Variants in SLIT3 observed in about 807,000 individuals in gnomAD.
SLIT3 encodes the protein slit guidance ligand 3, also known as slit homolog 3 protein.
Under a neutral mutation model 184.0 loss-of-function variants are expected in SLIT3, and 68 were observed. The ratio of observed to expected loss-of-function variants is 0.37; its 90% CI spans 0.30 to 0.45. SLIT3 has a LOEUF of 0.45. SLIT3 is among the 20% of genes least tolerant of loss of function. SLIT3 has a pLI of 1.00. For synonymous variants in SLIT3, 831 were observed against 828.6 expected (o/e 1.00, Z -0.05); for missense variants, 1,707 against 2,026.0 (o/e 0.84, Z 3.02).
At chr5:168,742,873 T>C (rs988274795) in intron 20 of SLIT3, among the ~76,000 whole-genome samples, 15 of 151,570 alleles carry the variant, frequency 9.9e-5, no homozygotes, top group Non-Finnish European at 1.9e-4. Flanking sequence ...ATGTGTCTGT[T>C]ATCCCAGCAC....
Position 169,156,300 on chromosome 5 carries a change from C to T in SLIT3, c.413+37179G>A, listed in dbSNP as rs115325548. On this transcript the variant is annotated intron_variant, in intron 4 of 35. Transcript: ENST00000519560. ...AATACCTTTTCCTCTAAGATAAATGCCTCCCAGAAAGCCACAGTGTACATG... is the reference window on the plus strand; with the variant it reads ...AATACCTTTTCCTCTAAGATAAATGTCTCCCAGAAAGCCACAGTGTACATG... 8.6e-3 allele frequency among the ~76,000 whole-genome samples: 1,303 copies of T among 152,288 alleles called. 17 individuals are homozygous for T. The highest frequency in any genetic ancestry group is 0.027 in the African/African-American group (1,124 of 41,540).
chr5:169,146,555 C>G (rs297833), intron 4 of SLIT3, among the ~76,000 whole-genome samples: 183 of 152,228 alleles, frequency 1.2e-3, no homozygotes, highest in African/African-American at 4.3e-3. Flanking sequence ...CTCCACACCC[C>G]CTTCTCTGTT....
chr5:168,863,893 A>G (rs1759201195), intron 5 of SLIT3, among the ~76,000 whole-genome samples: 1 of 152,170 alleles, frequency 6.6e-6, no homozygotes, highest in South Asian at 2.1e-4. Context: ...AGCATTTCCT[A>G]TGAATTTGTC....
intron 26 of SLIT3, among the ~76,000 whole-genome samples, chr5:168,703,288 G>A (rs1762272880): frequency 6.8e-6 from 1 of 147,642 alleles, no homozygotes; most frequent in African/African-American, 2.5e-5. Context: ...GTAGGACATG[G>A]CCAGGAATCC....
intron 4 of SLIT3, among the ~76,000 whole-genome samples, chr5:168,991,852 G>A (rs12187929): frequency 0.041 from 6,246 of 152,114 alleles, 164 homozygotes; most frequent in Non-Finnish European, 0.057. Context: ...CCCTCTTGAC[G>A]CCCAATTCCC....
In SLIT3 at chr5:169,019,978, T is replaced by G. The variant is rs190726680; in HGVS notation, c.414-136642A>C. ...GTTTTCCCTGGGCTACAACAGAGAC[T>G]GACAAATAAAGGCCATTTCTCAGGA... On this transcript the variant is annotated intron_variant, in intron 4 of 35. Coordinates refer to ENST00000519560, the MANE Select transcript of SLIT3 (RefSeq NM_003062.4). Among the ~76,000 whole-genome samples, 42 of 152,348 alleles carry G rather than the reference T, an allele frequency of 2.8e-4. 1 individual carries two copies. Among genetic ancestry groups the G allele is most frequent in the African/African-American group, 9.6e-4 (40 of 41,582 alleles).
chr5:168,904,409 T>C (rs1193018631), intron 4 of SLIT3, among the ~76,000 whole-genome samples: 1 of 152,066 alleles, frequency 6.6e-6, no homozygotes, highest in African/African-American at 2.4e-5. Context: ...TCAGCTCCCC[T>C]CAGAGAGGCA....
At chr5:169,238,543 CTTTT>C (rs71698425) in intron 3 of SLIT3, among the ~76,000 whole-genome samples, 57 of 117,138 alleles carry the variant, frequency 4.9e-4, no homozygotes, top group African/African-American at 1.9e-3. Flanking sequence ...AGTGAAATAG[CTTTT>C]TTTTTTTTTT....
chr5:168,737,740 G>A (rs1415868795), intron 20 of SLIT3, among the ~76,000 whole-genome samples: 8 of 152,168 alleles, frequency 5.3e-5, no homozygotes, highest in South Asian at 2.1e-4. Flanking sequence ...TTCTCTAACC[G>A]TTATGAAGAT....
At chr5:168,904,920 G>A (rs1012235185) in intron 4 of SLIT3, among the ~76,000 whole-genome samples, 1 of 152,064 alleles carries the variant, frequency 6.6e-6, no homozygotes, top group East Asian at 1.9e-4. Flanking sequence ...TAATCCTAGC[G>A]CTTTGGGAGG....
chr5:169,090,132 C>T (rs151190251), intron 4 of SLIT3, among the ~76,000 whole-genome samples: 7 of 152,138 alleles, frequency 4.6e-5, no homozygotes, highest in South Asian at 2.1e-4. Context: ...ATAAAGGGAA[C>T]GGGTGATGTT....
chr5:168,775,097 G>T (rs1755697376), intron 12 of SLIT3, among the ~76,000 whole-genome samples: 1 of 150,274 alleles, frequency 6.7e-6, no homozygotes, highest in Admixed American at 6.7e-5. Context: ...GAGTTCAATG[G>T]CGTGATCTCG....
At chr5:169,063,807 C>T (rs898029021) in intron 4 of SLIT3, among the ~76,000 whole-genome samples, 8 of 152,156 alleles carry the variant, frequency 5.3e-5, no homozygotes, top group Non-Finnish European at 1.2e-4. Flanking sequence ...TATTATGGTA[C>T]GAGAAGCACT....
At chr5:168,830,643 T>C (rs924335194) in intron 6 of SLIT3, among the ~76,000 whole-genome samples, 1 of 152,212 alleles carries the variant, frequency 6.6e-6, no homozygotes, top group African/African-American at 2.4e-5. Flanking sequence ...GCACTTTTCA[T>C]ACATTATCTC....
At chr5:169,208,090 A>G (rs1219781767) in intron 3 of SLIT3, among the ~76,000 whole-genome samples, 4 of 152,238 alleles carry the variant, frequency 2.6e-5, no homozygotes, top group African/African-American at 9.7e-5. Context: ...GAAAAAAAAG[A>G]AAAGGAAAGA....
intron 6 of SLIT3, among the ~76,000 whole-genome samples, chr5:168,833,524 G>C (rs796832280): frequency 3.9e-5 from 6 of 152,336 alleles, no homozygotes; most frequent in African/African-American, 1.4e-4. Flanking sequence ...TTGGGCACTA[G>C]AGTGGCCATT....
intron 4 of SLIT3, among the ~76,000 whole-genome samples, chr5:169,091,547 T>C (rs1248087197): frequency 6.6e-6 from 1 of 152,212 alleles, no homozygotes; most frequent in Non-Finnish European, 1.5e-5. Flanking sequence ...ACAGCATTTT[T>C]CTGAGTAGTT....
intron 4 of SLIT3, among the ~76,000 whole-genome samples, chr5:169,094,314 C>G (rs1054154500): frequency 1.3e-5 from 2 of 152,170 alleles, no homozygotes; most frequent in Admixed American, 1.3e-4. Context: ...AGCCAGAATT[C>G]CAACCCAAAT....
At chr5:168,967,434 A>ATTTTTTTTTTTTTTTTTTTT (rs1288438834) in intron 4 of SLIT3, among the ~76,000 whole-genome samples, 1 of 39,900 alleles carries the variant, frequency 2.5e-5, no homozygotes, top group African/African-American at 8.9e-5. Context: ...TGCCATCTCA[A>ATTTTTTTTTTTTTTTTTTTT]ATCTTTTTTT....
Sources: gnomAD v4.1 joint callset for allele counts (sites outside exome capture counted in the v4.1 genomes callset) on GRCh38, gnomAD v4.1.1 for gene constraint, MANE v1.5 for transcripts, NCBI Gene and HGNC (gene_info 2026-07-23, HGNC 2026-07-21) for gene names.